Variants in PDE4B observed in about 807,000 individuals in gnomAD.
PDE4B encodes the protein phosphodiesterase 4B.
Under a neutral mutation model 82.2 loss-of-function variants are expected in PDE4B, and 20 were observed. The observed-to-expected ratio is 0.24, with a 90% CI of 0.17 to 0.35. The LOEUF (loss-of-function observed/expected upper bound fraction) is 0.35. PDE4B is among the 10% of genes least tolerant of loss of function. The pLI, the probability that PDE4B is intolerant of heterozygous loss-of-function variation, is 1.00. For missense variants in PDE4B, 655 were observed against 907.2 expected, an observed-to-expected ratio of 0.72 and a Z score of 3.57; for synonymous variants, 320 against 318.9, an observed-to-expected ratio of 1.00 and a Z score of -0.04.
chr1:65,944,197 A>G (rs957153332), intron 3 of PDE4B, among the ~76,000 whole-genome samples: 1 of 151,980 alleles, frequency 6.6e-6, no homozygotes, highest in Middle Eastern at 3.4e-3. Flanking sequence ...TTTATTATGG[A>G]AGATTTTTGA....
intron 1 of PDE4B, among the ~76,000 whole-genome samples, chr1:65,825,516 T>G (rs1055349571): frequency 6.6e-6 from 1 of 151,988 alleles, no homozygotes; most frequent in Non-Finnish European, 1.5e-5. Context: ...GTTGAAAGAG[T>G]CTACTATCCA....
intron 3 of PDE4B, among the ~76,000 whole-genome samples, chr1:66,009,899 G>A (rs1652374085): frequency 8.0e-6 from 1 of 124,712 alleles, no homozygotes; most frequent in Non-Finnish European, 1.7e-5. Flanking sequence ...CATATGATCT[G>A]TATCTTTATC....
chr1:66,168,786 A>G (rs1330887771), intron 3 of PDE4B, among the ~76,000 whole-genome samples: 1 of 152,226 alleles, frequency 6.6e-6, no homozygotes, highest in South Asian at 2.1e-4. Context: ...GAGGAAGTCC[A>G]GTTAGAAACT....
intron 1 of PDE4B, among the ~76,000 whole-genome samples, chr1:65,899,473 A>G (rs1173575090): frequency 2.0e-5 from 3 of 152,004 alleles, no homozygotes; most frequent in African/African-American, 7.2e-5. Flanking sequence ...ACTACTGGGT[A>G]TCTATCCAGA....
At chr1:65,948,317 T>G (rs1476399423) in intron 3 of PDE4B, among the ~76,000 whole-genome samples, 1 of 151,728 alleles carries the variant, frequency 6.6e-6, no homozygotes, top group East Asian at 1.9e-4. Flanking sequence ...CATATATATA[T>G]TATATATATG....
At chr1:65,935,106 C>T (rs1236468756) in intron 3 of PDE4B, among the ~76,000 whole-genome samples, 1 of 152,068 alleles carries the variant, frequency 6.6e-6, no homozygotes, top group Admixed American at 6.6e-5. Context: ...CATCACATGT[C>T]AGGTCACAAA....
chr1:66,178,236 A>C (rs1454592648), intron 3 of PDE4B, among the ~76,000 whole-genome samples: 1 of 152,070 alleles, frequency 6.6e-6, no homozygotes, highest in South Asian at 2.1e-4. Context: ...TATCTACTCT[A>C]TGCCAATTTA....
At chr1:65,976,306 G>T (rs1338774236) in intron 3 of PDE4B, among the ~76,000 whole-genome samples, 1 of 152,150 alleles carries the variant, frequency 6.6e-6, no homozygotes, top group East Asian at 1.9e-4. Context: ...CCTTTGGTTT[G>T]GCTGCTTTCT....
chr1:66,115,822 C>G (rs1467293379), intron 3 of PDE4B, among the ~76,000 whole-genome samples: 1 of 152,208 alleles, frequency 6.6e-6, no homozygotes, highest in African/African-American at 2.4e-5. Context: ...TGTTTAAATT[C>G]TGATGTCCTA....
chr1:66,363,674 G>A lies in PDE4B; in HGVS notation c.1284+103G>A, dbSNP rs1365761691. ...TGCCTGTAGTCCTAGCTACTCGGGAGGCTGAGTTGGGAGGATTGCTTGAGC... is the reference window on the plus strand; with the variant it reads ...TGCCTGTAGTCCTAGCTACTCGGGAAGCTGAGTTGGGAGGATTGCTTGAGC... On this transcript the variant is annotated intron_variant, in intron 12 of 16. Coordinates refer to ENST00000341517, the MANE Select transcript of PDE4B (RefSeq NM_002600.4). 3 of 896,652 alleles carry A rather than the reference G, an allele frequency of 3.3e-6. No individual in the cohort carries two copies. The African/African-American group carries it at 5.1e-5, about 15-fold the overall frequency. The allele number at this position is 896,652 out of a possible 1,614,324, so 55.5% of individuals were successfully genotyped here. A position where few individuals can be genotyped will look rare whatever the true frequency, so the allele number is the denominator to read the frequency against.
At chr1:66,337,604 C>A (rs2101936986) in intron 8 of PDE4B, among the ~76,000 whole-genome samples, 1 of 152,296 alleles carries the variant, frequency 6.6e-6, no homozygotes, top group East Asian at 1.9e-4. Flanking sequence ...CAACCCATAT[C>A]CAAGGAGTTC....
At chr1:66,192,360 AT>A (rs2101481959) in intron 3 of PDE4B, among the ~76,000 whole-genome samples, 1 of 152,272 alleles carries the variant, frequency 6.6e-6, no homozygotes, top group East Asian at 1.9e-4. Flanking sequence ...TTCACTTAGA[AT>A]TTAGACTCAA....
chr1:65,977,268 G>A (rs1650457020), intron 3 of PDE4B, among the ~76,000 whole-genome samples: 1 of 152,146 alleles, frequency 6.6e-6, no homozygotes, highest in Non-Finnish European at 1.5e-5. Flanking sequence ...GATTCAGTAG[G>A]TAGCAATATT....
chr1:65,877,247 A>G (rs12731486), intron 1 of PDE4B, among the ~76,000 whole-genome samples: 25,940 of 152,144 alleles, frequency 0.17, 2,401 homozygotes, highest in South Asian at 0.29. Context: ...AAATAACACC[A>G]CACATCTAAA....
At chr1:66,138,686 G>T (rs1646109916) in intron 3 of PDE4B, among the ~76,000 whole-genome samples, 1 of 152,186 alleles carries the variant, frequency 6.6e-6, no homozygotes, top group South Asian at 2.1e-4. Flanking sequence ...ACAGGTGTTT[G>T]TTGAATTTAG....
At chr1:66,076,436 C>T (rs1557543662) in intron 3 of PDE4B, among the ~76,000 whole-genome samples, 1 of 152,064 alleles carries the variant, frequency 6.6e-6, no homozygotes, top group Non-Finnish European at 1.5e-5. Context: ...TTGATGGGCA[C>T]CTGGGTTGAT....
chr1:66,045,404 C>T (rs1306281401), intron 3 of PDE4B, among the ~76,000 whole-genome samples: 1 of 151,724 alleles, frequency 6.6e-6, no homozygotes, highest in East Asian at 1.9e-4. Context: ...AGAAGGCACC[C>T]TTAACTCAAA....
intron 3 of PDE4B, among the ~76,000 whole-genome samples, chr1:66,099,972 C>T (rs1645190331): frequency 6.6e-6 from 1 of 152,092 alleles, no homozygotes; most frequent in Non-Finnish European, 1.5e-5. Context: ...GAAGTCTTCC[C>T]TGGCCATGTT....
chr1:66,016,956 A>G (rs7549248), intron 3 of PDE4B, among the ~76,000 whole-genome samples: 2,849 of 152,140 alleles, frequency 0.019, 95 homozygotes, highest in African/African-American at 0.066. Flanking sequence ...ACTGAAGGAG[A>G]AGAGTATGGG....
Sources: gnomAD v4.1 joint callset for allele counts (sites outside exome capture counted in the v4.1 genomes callset) on GRCh38, gnomAD v4.1.1 for gene constraint, MANE v1.5 for transcripts, NCBI Gene and HGNC (gene_info 2026-07-23, HGNC 2026-07-21) for gene names.